Variants in TP53I11 observed in about 807,000 individuals in gnomAD.
TP53I11 encodes the protein tumor protein p53 inducible protein 11.
In TP53I11, 9 loss-of-function variants were observed where a neutral mutation model predicts 23.3. That is an observed-to-expected ratio of 0.39 (90% CI 0.23 to 0.67). The LOEUF (loss-of-function observed/expected upper bound fraction) is 0.67, where lower values mean the gene tolerates loss of function less well. Among genes scored for constraint, TP53I11 ranks in the 30% least tolerant of loss-of-function variants. TP53I11 has a pLI of 0.48. For missense variants in TP53I11, 170 were observed against 255.2 expected, an observed-to-expected ratio of 0.67 and a Z score of 2.27; for synonymous variants, 100 against 106.1, an observed-to-expected ratio of 0.94 and a Z score of 0.35.
In TP53I11 at chr11:44,934,729, C is replaced by A; in HGVS notation, c.*155G>T. ...CCAGGAGATCACAGCACACGGGGTG[C>A]CCAGGAGGAAAGGAAGGCCCCCCAC... On this transcript the variant is annotated 3_prime_UTR_variant, in exon 7 of 7. Coordinates refer to ENST00000525680, the MANE Select transcript of TP53I11 (RefSeq NM_006034.5). 9.7e-7 allele frequency: 1 copy of A among 1,026,286 alleles called. No homozygotes were observed. The highest frequency in any genetic ancestry group is 1.4e-6 in the Non-Finnish European group (1 of 721,358). The allele number at this position is 1,026,286 out of a possible 1,614,324, so 63.6% of individuals were successfully genotyped here.
Position 44,936,068 on chromosome 11 carries a change from TC to T in TP53I11, c.335-407del. 3.2e-6 allele frequency: 1 copy of T among 308,440 alleles called. No homozygotes were observed. Among genetic ancestry groups the T allele is most frequent in the Non-Finnish European group, 5.1e-6 (1 of 196,402 alleles). The allele number at this position is 308,440 out of a possible 1,614,324, so 19.1% of individuals were successfully genotyped here. A position where few individuals can be genotyped will look rare whatever the true frequency, so the allele number is the denominator to read the frequency against. ...TGATTGGGTTTTCTTTTACACGGAC[TC>T]CCAGACAGAAAACCTGAGCCCGGTA... On this transcript the variant is annotated intron_variant, in intron 5 of 6. Transcript: ENST00000525680. This position sits in a 1 kb window ranked among gnomAD's most constrained non-coding sequence, Gnocchi z 4.4.
At chr11:44,947,292 T>G in intron 1 of TP53I11, 2 of 366,600 alleles carry the variant, frequency 5.5e-6, no homozygotes, top group South Asian at 4.0e-5. Flanking sequence ...AGTGACCATG[T>G]CAGGGCCCTC....
Position 44,937,868 on chromosome 11 carries a change from C to A in TP53I11, c.130-255G>T, listed in dbSNP as rs1313321374. Among the ~76,000 whole-genome samples, 3 of 152,332 alleles carry A rather than the reference C, an allele frequency of 2.0e-5. No homozygotes were observed. The East Asian group carries it at 5.8e-4, about 29-fold the overall frequency. ...GGCTCTGCCAAATGCAGACTTGAAG[C>A]CTGGTCCTGCCACTTACCGGTGTGG... On this transcript the variant is annotated intron_variant, in intron 2 of 6. Transcript: ENST00000525680.
rs537619595 is a variant in TP53I11, at chr11:44,941,647, T to C, written c.-31-3281A>G. Among the ~76,000 whole-genome samples, 7 of 152,120 alleles carry C rather than the reference T, an allele frequency of 4.6e-5. No homozygotes were observed. In the East Asian group the frequency reaches 1.4e-3, roughly 29 times the overall value. ...GGGGAAGTGCCTGGCCCACAGCAAG[T>C]CCCCAGTGAAGACAGGCAATTATCA... On this transcript the variant is annotated intron_variant, in intron 1 of 6. Transcript: ENST00000525680.
chr11:44,934,768 G>GGGGCAGGACTGGGGCA lies in TP53I11; in HGVS notation c.*100_*115dup, dbSNP rs1315376552. 2.8e-6 allele frequency: 4 copies of GGGGCAGGACTGGGGCA among 1,421,982 alleles called. No individual in the cohort carries two copies. In the African/African-American group the frequency reaches 4.3e-5, roughly 15 times the overall value. The allele number at this position is 1,421,982 out of a possible 1,614,324, so 88.1% of individuals were successfully genotyped here. On this transcript the variant is annotated 3_prime_UTR_variant, in exon 7 of 7. Coordinates refer to ENST00000525680, the MANE Select transcript of TP53I11 (RefSeq NM_006034.5). ...AAGGCCCCCCACCCCCTGCCTCCCT[G>GGGGCAGGACTGGGGCA]GGGCAGGACTGGGGCAGGGCAGGGG...
Position 44,937,055 on chromosome 11 carries a change from C to T in TP53I11, c.238-156G>A, listed in dbSNP as rs73456456. ...GGACCCAATTGTCCCCACCCGCCCC[C>T]ATGCCAGGACAGAAAACTCCAGGGT... On this transcript the variant is annotated intron_variant, in intron 4 of 6. Transcript: ENST00000525680. 1,108 of 728,342 alleles carry T rather than the reference C, an allele frequency of 1.5e-3. 14 individuals are homozygous for T. The African/African-American group carries it at 0.017, about 11-fold the overall frequency. 45.1% of individuals were successfully genotyped at this position (728,342 alleles called of 1,614,324 possible).
chr11:44,949,969 TCACC>T (rs1473163547), intron 1 of TP53I11: 1 of 152,066 alleles, frequency 6.6e-6, no homozygotes, highest in Non-Finnish European at 1.5e-5. Context: ...CTCCAGACAC[TCACC>T]CACTTTCTGA....
At chr11:44,938,759 G>A (rs1422690677) in intron 1 of TP53I11, among the ~76,000 whole-genome samples, 1 of 152,058 alleles carries the variant, frequency 6.6e-6, no homozygotes, top group Non-Finnish European at 1.5e-5. Context: ...AAAAGGGGAG[G>A]GTCTGTCCAA....
chr11:44,938,864 C>A (rs945379251), intron 1 of TP53I11, among the ~76,000 whole-genome samples: 3 of 152,178 alleles, frequency 2.0e-5, no homozygotes, highest in African/African-American at 7.2e-5. Context: ...CGTCTCCCTG[C>A]CACCCCCCTT....
intron 1 of TP53I11, among the ~76,000 whole-genome samples, 186 bp downstream of exon 1, chr11:44,950,491 G>A (rs962312388): frequency 1.3e-5 from 2 of 152,042 alleles, no homozygotes; most frequent in African/African-American, 4.8e-5. Context: ...GCGACCCCCT[G>A]GGGTCCCAGC....
chr11:44,950,983 G>T (rs1365857662), upstream of TP53I11: 1 of 151,924 alleles, frequency 6.6e-6, no homozygotes, highest in Admixed American at 6.6e-5. Context: ...GGTGGCCGCC[G>T]GGGCGGGCGG....
At chr11:44,949,546 C>T (rs921705120) in intron 1 of TP53I11, among the ~76,000 whole-genome samples, 1 of 152,170 alleles carries the variant, frequency 6.6e-6, no homozygotes, top group Admixed American at 6.5e-5. Context: ...GAAACCCACT[C>T]CCCCCGGGCT....
Position 44,936,433 on chromosome 11 carries a change from G to C in TP53I11, c.334+370C>G. 1 of 1,232,104 alleles carries C rather than the reference G, an allele frequency of 8.1e-7. No homozygotes were observed. Among genetic ancestry groups the C allele is most frequent in the Non-Finnish European group, 1.0e-6 (1 of 988,852 alleles). The allele number at this position is 1,232,104 out of a possible 1,614,324, so 76.3% of individuals were successfully genotyped here. On this transcript the variant is annotated intron_variant, in intron 5 of 6. Coordinates refer to ENST00000525680, the MANE Select transcript of TP53I11 (RefSeq NM_006034.5). This position sits in a 1 kb window ranked among gnomAD's most constrained non-coding sequence, Gnocchi z 4.4. Reference sequence around the variant, plus strand: ...CAGAAGTGGCTCTGGGGATAAAATAGGGGGGGTGCGAGGGGTTTTGCAGAC... The same window carrying C: ...CAGAAGTGGCTCTGGGGATAAAATACGGGGGGTGCGAGGGGTTTTGCAGAC...
At chr11:44,938,182 C>T (rs373579085) in intron 2 of TP53I11, 25 bp downstream of exon 2, 11 of 1,603,882 alleles carry the variant, frequency 6.9e-6, no homozygotes, top group Admixed American at 1.7e-5. Context: ...CAGTGGGTGC[C>T]GGAGGCCCCT....
chr11:44,944,894 C>CCATG (rs1565117716), intron 1 of TP53I11, among the ~76,000 whole-genome samples: 1 of 152,200 alleles, frequency 6.6e-6, no homozygotes, highest in Non-Finnish European at 1.5e-5. Flanking sequence ...GGCGTCATTC[C>CCATG]CATGCAGATC....
intron 2 of TP53I11, among the ~76,000 whole-genome samples, 189 bp downstream of exon 2, chr11:44,938,018 C>T (rs142544331): frequency 3.3e-5 from 5 of 152,332 alleles, no homozygotes; most frequent in African/African-American, 1.2e-4. Flanking sequence ...TGCTGGAAAA[C>T]CGGGCACGTA....
At chr11:44,946,811 C>A (rs192617147) in intron 1 of TP53I11, among the ~76,000 whole-genome samples, 1 of 152,052 alleles carries the variant, frequency 6.6e-6, no homozygotes, top group African/African-American at 2.4e-5. Flanking sequence ...TCTCTAGGGC[C>A]CCTCCCAGCC....
chr11:44,947,318 C>A (rs536622891), intron 1 of TP53I11: 2 of 358,564 alleles, frequency 5.6e-6, no homozygotes, highest in South Asian at 4.1e-5. Flanking sequence ...CAGCTGGTGT[C>A]GTCATCAGGA....
intron 2 of TP53I11, 42 bp from the exon 3 acceptor site, chr11:44,937,655 C>T (rs2279362): frequency 1.9e-6 from 3 of 1,595,224 alleles, no homozygotes; most frequent in Non-Finnish European, 1.7e-6. Context: ...GTGAGGGCAG[C>T]TCTCAGCGCC....
Sources: allele counts gnomAD v4.1 joint callset (sites outside exome capture counted in the v4.1 genomes callset), GRCh38; gene constraint gnomAD v4.1.1; non-coding constraint Gnocchi (gnomAD v3.1); transcripts MANE v1.5; gene names NCBI Gene and HGNC (gene_info 2026-07-23, HGNC 2026-07-21).